MKNK2: variants seen among roughly 807,000 people sequenced by gnomAD.
The protein encoded by MKNK2 is MAPK interacting serine/threonine kinase 2.
A neutral mutation model predicts 55.0 loss-of-function variants in MKNK2; 54 were observed. The ratio of observed to expected loss-of-function variants is 0.98; its 90% CI spans 0.79 to 1.23. The LOEUF is 1.23. Among genes scored for constraint, MKNK2 ranks in the 50% most tolerant of loss-of-function variants. The pLI, the probability that MKNK2 is intolerant of heterozygous loss-of-function variation, is 0.00. For synonymous variants in MKNK2, 323 were observed against 256.0 expected, an observed-to-expected ratio of 1.26 and a Z score of -2.50; for missense variants, 685 against 632.1, an observed-to-expected ratio of 1.08 and a Z score of -0.90.
chr19:2,050,731 C>T lies in MKNK2; in HGVS notation c.51+70G>A, dbSNP rs573133446. 5.3e-4 allele frequency: 751 copies of T among 1,428,464 alleles called. 6 individuals carry two copies. The African/African-American group carries it at 0.01, about 19-fold the overall frequency. The allele number at this position is 1,428,464 out of a possible 1,614,324, so 88.5% of individuals were successfully genotyped here. ...CCGGGAGCCGATCTTAGGGGCGGGC[C>T]CCGCGCCCCCCACGCCGGCCATTCC... is the stretch of plus-strand genomic sequence containing the variant. On this transcript the variant is annotated intron_variant, in intron 2 of 13. Coordinates refer to ENST00000250896, the MANE Select transcript of MKNK2 (RefSeq NM_199054.3).
rs1433668327 is a variant in MKNK2 at position 2,041,975 on chromosome 19, G to A, written c.810C>T (p.Ser270=). Residue 270 remains serine (S), a synonymous_variant, in exon 11 of 14, where the codon AGC becomes AGT. Transcript: ENST00000250896. ...ACAGGTCGCAGCGCTTGTCGTAGAT[G>A]CTAGCCTCCTCGCTGAAGGCCTCCA... ...EVVEAFSEEA[S]IYDKRCDLWS... 6.4e-7 allele frequency: 1 copy of A among 1,561,620 alleles called. No homozygotes were observed. The highest frequency in any genetic ancestry group is 1.9e-5 in the Admixed American group (1 of 52,264).
chr19:2,046,734 GC>G (rs749504833), intron 2 of MKNK2, 43 bp from the exon 3 acceptor site: 75 of 1,438,662 alleles, frequency 5.2e-5, no homozygotes, highest in Non-Finnish European at 6.3e-5. Context: ...CCCCATCCCT[GC>G]CCACGCAGCA....
intron 13 of MKNK2, 37 bp from the exon 14 acceptor site, chr19:2,039,893 G>A (rs755194102): frequency 6.4e-7 from 1 of 1,569,944 alleles, no homozygotes; most frequent in Admixed American, 1.7e-5. Flanking sequence ...TCACCAAGAG[G>A]CACCCCTCAG....
chr19:2,042,464 TC>T lies in MKNK2; in HGVS notation c.712del (p.Asp238ThrfsTer24). 1 of 1,593,004 alleles carries T rather than the reference TC, an allele frequency of 6.3e-7. No individual in the cohort carries two copies. The highest frequency in any genetic ancestry group is 8.5e-7 in the Non-Finnish European group (1 of 1,171,450). The part of the protein sequence containing the change: ...DLGSGIKLNG[D>X]CSPISTPELL... Reference sequence around the variant, plus strand: ...CTCCGGGGTGGAGATAGGGGAGCAGTCCCCGTTGAGTTTGATGCCGCTGCCC... The same window carrying T: ...CTCCGGGGTGGAGATAGGGGAGCAGTCCCGTTGAGTTTGATGCCGCTGCCC... On this transcript the variant is annotated frameshift_variant, in exon 10 of 14. Coordinates refer to ENST00000250896, the MANE Select transcript of MKNK2 (RefSeq NM_199054.3). LOFTEE classifies it high-confidence loss of function.
At chr19:2,046,145 T>C in intron 5 of MKNK2, 41 bp downstream of exon 5, 3 of 1,582,168 alleles carry the variant, frequency 1.9e-6, no homozygotes, top group Non-Finnish European at 2.6e-6. Flanking sequence ...TCAACACCGA[T>C]CCCAAGGCGC....
rs753154299 is a variant in MKNK2 at position 2,039,870 on chromosome 19, TG to T, written c.1155-15del. Reference sequence around the variant, plus strand: ...GCACAGCTGTTCCTGGGAAACGGGGTGGGGGTAGGTGGTCACCAAGAGGCAC... The same window carrying T: ...GCACAGCTGTTCCTGGGAAACGGGGTGGGGTAGGTGGTCACCAAGAGGCAC... On this transcript the variant is annotated splice_polypyrimidine_tract_variant and intron_variant, in intron 13 of 13. Coordinates refer to ENST00000250896, the MANE Select transcript of MKNK2 (RefSeq NM_199054.3). 6.3e-7 allele frequency: 1 copy of T among 1,581,604 alleles called. No homozygotes were observed. Among genetic ancestry groups the T allele is most frequent in the South Asian group, 1.1e-5 (1 of 89,464 alleles).
At chr19:2,040,903 A>G (rs764222385) in intron 12 of MKNK2, 137 bp downstream of exon 12, 1 of 878,980 alleles carries the variant, frequency 1.1e-6, no homozygotes, top group Non-Finnish European at 1.8e-6. Flanking sequence ...CCCTCATCCC[A>G]GGGCAGAGCC....
In MKNK2 at chr19:2,043,448, T is replaced by G. The variant is rs1428762209; in HGVS notation, c.419+55A>C. On this transcript the variant is annotated intron_variant, in intron 6 of 13. Transcript: ENST00000250896. Reference sequence around the variant, plus strand: ...TGGGGGTGATGTGGCACTCAGGCCCTTCATCCACTGAAAGACAGCTCAGGC... The same window carrying G: ...TGGGGGTGATGTGGCACTCAGGCCCGTCATCCACTGAAAGACAGCTCAGGC... 4 of 1,520,380 alleles carry G rather than the reference T, an allele frequency of 2.6e-6. No homozygotes were observed. In the East Asian group the frequency reaches 9.0e-5, roughly 34 times the overall value. The allele number at this position is 1,520,380 out of a possible 1,614,324, so 94.2% of individuals were successfully genotyped here.
intron 10 of MKNK2, 78 bp downstream of exon 10, chr19:2,042,349 T>A: frequency 3.8e-6 from 5 of 1,309,996 alleles, no homozygotes; most frequent in Non-Finnish European, 4.3e-6. Flanking sequence ...CTGGAGCTGC[T>A]GGATGGCCCA....
At chr19:2,042,199 A>G in intron 10 of MKNK2, 165 bp from the exon 11 acceptor site, 1 of 745,958 alleles carries the variant, frequency 1.3e-6, no homozygotes, top group Non-Finnish European at 2.1e-6. Flanking sequence ...CAGCAGGTGC[A>G]GAGCTCGCCC....
Position 2,038,298 on chromosome 19 carries a change from C to A in MKNK2, c.*1315G>T. 1.0e-6 allele frequency: 1 copy of A among 986,530 alleles called. No homozygotes were observed. Among genetic ancestry groups the A allele is most frequent in the Non-Finnish European group, 1.2e-6 (1 of 830,448 alleles). The allele number at this position is 986,530 out of a possible 1,614,324, so 61.1% of individuals were successfully genotyped here. On this transcript the variant is annotated 3_prime_UTR_variant, in exon 14 of 14. Transcript: ENST00000250896. ...ACTAAACAGGAGGAAGAATCCCGAC[C>A]GCGGATTTAGAAGCCAGAGGGGCTG...
At position 2,041,216 on chromosome 19, in the gene MKNK2, G is replaced by C. The variant is rs922931014; in HGVS notation, c.946-12C>G. 4.4e-6 allele frequency: 7 copies of C among 1,606,780 alleles called. No individual in the cohort carries two copies. The highest frequency in any genetic ancestry group is 1.7e-4 in the Middle Eastern group (1 of 6,042). ...TCAAACAGCATGTTCTGGGGACATA[G>C]AACACAGGGGAGCTTAGACCTGCCC... On this transcript the variant is annotated splice_polypyrimidine_tract_variant and intron_variant, in intron 11 of 13. Transcript: ENST00000250896.
chr19:2,040,038 G>A (rs544855397), intron 13 of MKNK2, 96 bp downstream of exon 13: 92 of 1,444,840 alleles, frequency 6.4e-5, no homozygotes, highest in South Asian at 4.6e-4. Context: ...CTGCCTCCCC[G>A]ACCCCAAAGC....
chr19:2,042,176 G>T, intron 10 of MKNK2, 142 bp from the exon 11 acceptor site: 1 of 826,046 alleles, frequency 1.2e-6, no homozygotes, highest in Non-Finnish European at 1.8e-6. Context: ...CCGGGAACGC[G>T]CCCCCGCCCA....
In MKNK2 at chr19:2,038,247, GT is replaced by G. The variant is rs35697817; in HGVS notation, c.*1365del. On this transcript the variant is annotated 3_prime_UTR_variant, in exon 14 of 14. Transcript: ENST00000250896. ...GGGAAGCAAAGTCCATCGATGTGTT[GT>G]TTTTTTTTAAGGAAAAACTAAAAAA... 9.4e-6 allele frequency: 9 copies of G among 959,020 alleles called. No individual in the cohort carries two copies. The highest frequency in any genetic ancestry group is 3.6e-5 in the African/African-American group (2 of 55,698). 59.4% of individuals were successfully genotyped at this position (959,020 alleles called of 1,614,324 possible).
Position 2,038,279 on chromosome 19 carries a change from C to G in MKNK2, c.*1334G>C. ...TTTAAGGAAAAACTAAAAAACTAAACAGGAGGAAGAATCCCGACCGCGGAT... is the reference window on the plus strand; with the variant it reads ...TTTAAGGAAAAACTAAAAAACTAAAGAGGAGGAAGAATCCCGACCGCGGAT... On this transcript the variant is annotated 3_prime_UTR_variant, in exon 14 of 14. Transcript: ENST00000250896. 3.0e-6 allele frequency: 3 copies of G among 986,610 alleles called. No individual in the cohort carries two copies. In the African/African-American group the frequency reaches 5.3e-5, roughly 17 times the overall value. The allele number at this position is 986,610 out of a possible 1,614,324, so 61.1% of individuals were successfully genotyped here.
At chr19:2,043,419 T>C (rs1599382055) in intron 6 of MKNK2, 84 bp downstream of exon 6, 11 of 1,344,216 alleles carry the variant, frequency 8.2e-6, no homozygotes, top group Non-Finnish European at 1.2e-5. Context: ...CTACAGACGC[T>C]TGCTGGGGGT....
In MKNK2 at chr19:2,038,073, G is replaced by A. The variant is rs924182092; in HGVS notation, c.*1540C>T. ...TTGGAAGGGGCAGTCCACAGATATG[G>A]GCAGTGGGGACCAGGGAAGGCAGAG... On this transcript the variant is annotated 3_prime_UTR_variant, in exon 14 of 14. Coordinates refer to ENST00000250896, the MANE Select transcript of MKNK2 (RefSeq NM_199054.3). 1.7e-4 allele frequency: 202 copies of A among 1,182,262 alleles called. No individual in the cohort carries two copies. The highest frequency in any genetic ancestry group is 1.0e-3 in the Middle Eastern group (3 of 2,860). The allele number at this position is 1,182,262 out of a possible 1,614,324, so 73.2% of individuals were successfully genotyped here. A position where few individuals can be genotyped will look rare whatever the true frequency, so the allele number is the denominator to read the frequency against.
chr19:2,038,222 G>A lies in MKNK2; in HGVS notation c.*1391C>T, dbSNP rs1021782099. ...GACATTCAAGTATTCTTCAAGAACA[G>A]GGAAGCAAAGTCCATCGATGTGTTG... On this transcript the variant is annotated 3_prime_UTR_variant, in exon 14 of 14. Transcript: ENST00000250896. The A allele has an allele frequency of 9.0e-6, 9 of 994,654 alleles. No individual in the cohort carries two copies. The highest frequency in any genetic ancestry group is 1.8e-5 in the African/African-American group (1 of 57,128). The allele number at this position is 994,654 out of a possible 1,614,324, so 61.6% of individuals were successfully genotyped here.
Sources: gnomAD v4.1 joint callset for allele counts on GRCh38, gnomAD v4.1.1 for gene constraint, MANE v1.5 for transcripts, NCBI Gene and HGNC (gene_info 2026-07-23, HGNC 2026-07-21) for gene names.